Variants in LRFN2 observed in about 807,000 individuals in gnomAD.
The protein encoded by LRFN2 is leucine-rich repeat and fibronectin type-III domain-containing protein 2.
LRFN2 carries 18 observed loss-of-function variants against 37.3 expected under a neutral mutation model. The observed-to-expected ratio is 0.48, with a 90% confidence interval of 0.33 to 0.72. LRFN2 has a LOEUF of 0.72. Ranked by LOEUF, LRFN2 falls within the 30% of genes least tolerant of loss-of-function variation. The probability of loss-of-function intolerance (pLI) is 0.02; values close to 1 mark genes in which losing one functional copy is unlikely to be tolerated. For synonymous variants in LRFN2, 556 were observed against 466.6 expected, an observed-to-expected ratio of 1.19 and a Z score of -2.47; for missense variants, 1,006 against 1,060.7, an observed-to-expected ratio of 0.95 and a Z score of 0.72.
chr6:40,549,949 G>A (rs673688), intron 1 of LRFN2, among the ~76,000 whole-genome samples: 4 of 152,030 alleles, frequency 2.6e-5, no homozygotes, highest in Admixed American at 6.6e-5. Flanking sequence ...CAGGAGATTC[G>A]CTTGAACCCA....
intron 2 of LRFN2, among the ~76,000 whole-genome samples, chr6:40,417,952 G>T (rs888815235): frequency 1.3e-5 from 2 of 152,136 alleles, no homozygotes; most frequent in Non-Finnish European, 2.9e-5. Flanking sequence ...GCCTGCTGCG[G>T]TATATTCTCC....
Position 40,391,671 on chromosome 6 carries a change from T to A in LRFN2, c.*272A>T. 2.8e-6 allele frequency: 1 copy of A among 361,624 alleles called. No homozygotes were observed. Among genetic ancestry groups the A allele is most frequent in the East Asian group, 4.4e-5 (1 of 22,862 alleles). The allele number at this position is 361,624 out of a possible 1,614,324, so 22.4% of individuals were successfully genotyped here. On this transcript the variant is annotated 3_prime_UTR_variant, in exon 3 of 3. Transcript: ENST00000338305. ...AAAGCCGCTTGCTTGTAGGCTACAT[T>A]TGTGATTAGAAAGGCGGAGTCTCGC...
intron 1 of LRFN2, among the ~76,000 whole-genome samples, chr6:40,534,734 C>G (rs1224951067): frequency 6.6e-6 from 1 of 152,182 alleles, no homozygotes; most frequent in East Asian, 1.9e-4. Context: ...AGGGTCATCA[C>G]TCTCCCCAGG....
Position 40,431,705 on chromosome 6 carries a change from C to A in LRFN2, c.1400+9G>T. The A allele has an allele frequency of 6.6e-7, 1 of 1,506,548 alleles. No homozygotes were observed. The allele number at this position is 1,506,548 out of a possible 1,614,324, so 93.3% of individuals were successfully genotyped here. ...ACCCTCCCTGCCTTTGCCACAGCCG[C>A]TTGCTCACCTGTAAATCAGTACCTC... On this transcript the variant is annotated intron_variant, in intron 2 of 2. Coordinates refer to ENST00000338305, the MANE Select transcript of LRFN2 (RefSeq NM_020737.3).
intron 2 of LRFN2, among the ~76,000 whole-genome samples, chr6:40,416,853 C>T (rs1004053643): frequency 2.0e-5 from 3 of 152,176 alleles, no homozygotes; most frequent in Admixed American, 2.0e-4. Context: ...TGCAAAGAAA[C>T]CCATCTTTAA....
At chr6:40,418,601 G>A (rs1468282620) in intron 2 of LRFN2, among the ~76,000 whole-genome samples, 1 of 152,096 alleles carries the variant, frequency 6.6e-6, no homozygotes, top group Non-Finnish European at 1.5e-5. Context: ...CTTCCCCTCA[G>A]AACTAGACCC....
chr6:40,517,060 C>A (rs1765899502), intron 1 of LRFN2, among the ~76,000 whole-genome samples: 1 of 152,138 alleles, frequency 6.6e-6, no homozygotes, highest in Non-Finnish European at 1.5e-5. Context: ...TCAGCACTTG[C>A]TGGAAAGAAC....
In LRFN2 at chr6:40,432,724, G is replaced by A. The variant is rs1581700621; in HGVS notation, c.390C>T (p.Ile130=). The change falls in exon 2 of 3, where the codon ATC becomes ATT. Residue 130 remains isoleucine, a synonymous_variant. Transcript: ENST00000338305. ...TGCCGCCCAGCTGGTTGTTGTTCAC[G>A]ATAAGGTGCTGCAGGTTGACCAGGC... ...LRGLVNLQHL[I]VNNNQLGGIA... is the part of the protein sequence containing the mutation. 7 of 1,614,160 alleles carry A rather than the reference G, an allele frequency of 4.3e-6. No individual in the cohort carries two copies. The highest frequency in any genetic ancestry group is 1.7e-5 in the Admixed American group (1 of 60,036).
chr6:40,431,928 G>A lies in LRFN2; in HGVS notation c.1186C>T (p.Leu396Phe). Residue 396 changes from leucine (L) to phenylalanine (F), a missense_variant, in exon 2 of 3, where the codon CTC becomes TTC. Leu to Phe is a conservative substitution (Grantham distance 22, BLOSUM62 0). Coordinates refer to ENST00000338305, the MANE Select transcript of LRFN2 (RefSeq NM_020737.3). ...TTGCTGGAGCCAGTGATGTCTGAGA[G>A]GCGGGACTTGGGGGGTGCAGTGCGG... is the stretch of plus-strand genomic sequence containing the variant. Reference protein sequence around the residue: ...TSRTAPPKSRLSDITGSSKTS... With the variant: ...TSRTAPPKSRFSDITGSSKTS... 6.2e-7 allele frequency: 1 copy of A among 1,613,594 alleles called. No homozygotes were observed. Among genetic ancestry groups the A allele is most frequent in the Non-Finnish European group, 8.5e-7 (1 of 1,179,884 alleles).
At chr6:40,575,252 C>G (rs1341421276) in intron 1 of LRFN2, among the ~76,000 whole-genome samples, 1 of 150,156 alleles carries the variant, frequency 6.7e-6, no homozygotes, top group Non-Finnish European at 1.5e-5. Flanking sequence ...AGCTCTTCCC[C>G]TGCTGCCCAC....
intron 1 of LRFN2, among the ~76,000 whole-genome samples, chr6:40,563,969 C>T (rs759049891): frequency 1.3e-5 from 2 of 152,176 alleles, no homozygotes; most frequent in African/African-American, 2.4e-5. Flanking sequence ...ACTTACCAAC[C>T]GTGGTCCAGG....
In LRFN2 at chr6:40,539,310, A is replaced by T. The variant is rs550590762; in HGVS notation, c.-19+47631T>A. Among the ~76,000 whole-genome samples, 8 of 152,218 alleles carry T rather than the reference A, an allele frequency of 5.3e-5. No homozygotes were observed. The South Asian group carries it at 1.7e-3, about 32-fold the overall frequency. ...TTGTCAACACTGTCTCAGAGGTACC[A>T]TTTCCCCAGCTTTAAGCATTTGATG... On this transcript the variant is annotated intron_variant, in intron 1 of 2. Transcript: ENST00000338305.
chr6:40,559,673 G>A (rs1246804551), intron 1 of LRFN2, among the ~76,000 whole-genome samples: 1 of 152,104 alleles, frequency 6.6e-6, no homozygotes. Flanking sequence ...AGTCCCTAAA[G>A]GGGCTAGGAC....
chr6:40,497,124 C>T (rs760824212), intron 1 of LRFN2, among the ~76,000 whole-genome samples: 11 of 152,158 alleles, frequency 7.2e-5, no homozygotes, highest in South Asian at 4.1e-4. Context: ...CCCAAAGTGA[C>T]GCCCTTCTGC....
rs1413582796 is a variant in LRFN2, at chr6:40,392,909, C to T, written c.1404G>A (p.Met468Ile). 1 of 1,603,232 alleles carries T rather than the reference C, an allele frequency of 6.2e-7. No individual in the cohort carries two copies. Among genetic ancestry groups the T allele is most frequent in the Non-Finnish European group, 8.5e-7 (1 of 1,174,668 alleles). ...CGAAGGCCTTGTTGGAGGCTGGGAT[C>T]ATCCTGGGGAGGGAGGTGGACAGAA... ...CSDDEVLIYR[M>I]IPASNKAFVV... Residue 468 changes from methionine (M) to isoleucine (I), a missense_variant, in exon 3 of 3, where the codon ATG becomes ATA. Around this residue, in one of 4 missense-constraint regions of LRFN2, gnomAD observed 120 missense variants for 178.4 expected, o/e 0.67. Transcript: ENST00000338305. The surrounding 1 kb of genome is among the most constrained non-coding windows in gnomAD (Gnocchi z 4.7).
Position 40,431,920 on chromosome 6 carries a change from G to A in LRFN2, c.1194C>T (p.Asp398=), listed in dbSNP as rs1158079462. The A allele has an allele frequency of 1.2e-6, 2 of 1,613,472 alleles. No homozygotes were observed. Among genetic ancestry groups the A allele is most frequent in the Non-Finnish European group, 1.7e-6 (2 of 1,179,810 alleles). ...RTAPPKSRLS[D]ITGSSKTSRG... ...GGCTGGTCTTGCTGGAGCCAGTGAT[G>A]TCTGAGAGGCGGGACTTGGGGGGTG... The change falls in exon 2 of 3, where the codon GAC becomes GAT. Residue 398 remains aspartate, a synonymous_variant. Coordinates refer to ENST00000338305, the MANE Select transcript of LRFN2 (RefSeq NM_020737.3).
intron 1 of LRFN2, among the ~76,000 whole-genome samples, chr6:40,520,919 T>A (rs1240472153): frequency 2.6e-5 from 4 of 151,762 alleles, no homozygotes. Flanking sequence ...TTATCTCAGT[T>A]CTGTCCCAGG....
chr6:40,408,933 G>A (rs1762904238), intron 2 of LRFN2, among the ~76,000 whole-genome samples: 1 of 152,192 alleles, frequency 6.6e-6, no homozygotes, highest in Admixed American at 6.5e-5. Flanking sequence ...AGATTAAGGT[G>A]CCAGCATTTG....
chr6:40,569,052 T>G (rs1305142180), intron 1 of LRFN2, among the ~76,000 whole-genome samples: 1 of 152,150 alleles, frequency 6.6e-6, no homozygotes, highest in Non-Finnish European at 1.5e-5. Context: ...AGGACATGGG[T>G]CACTCTGTCA....
Sources: allele counts gnomAD v4.1 joint callset (sites outside exome capture counted in the v4.1 genomes callset), GRCh38; gene constraint gnomAD v4.1.1; regional missense constraint gnomAD v4.1.1; non-coding constraint Gnocchi (gnomAD v3.1); transcripts MANE v1.5; gene names NCBI Gene and HGNC (gene_info 2026-07-23, HGNC 2026-07-21).